Variants in LARGE1 observed in about 807,000 individuals in gnomAD.
LARGE1 encodes xylosyl- and glucuronyltransferase LARGE1.
LARGE1 carries 43 observed loss-of-function variants against 87.6 expected under a neutral mutation model. The ratio of observed to expected loss-of-function variants is 0.49; its 90% CI spans 0.38 to 0.63. The LOEUF (loss-of-function observed/expected upper bound fraction) is 0.63, where lower values mean the gene tolerates loss of function less well. Among genes scored for constraint, LARGE1 ranks in the 30% least tolerant of loss-of-function variants. The pLI is 0.00. For missense variants in LARGE1, 802 were observed against 1,000.2 expected, an observed-to-expected ratio of 0.80 and a Z score of 2.67; for synonymous variants, 434 against 394.6, an observed-to-expected ratio of 1.10 and a Z score of -1.18.
the LARGE1 span, among the ~76,000 whole-genome samples, chr22:33,089,371 C>CTTCTTCTTCTT: frequency 2.0e-4 from 15 of 76,098 alleles, 1 homozygote; most frequent in East Asian, 8.7e-4. Flanking sequence ...TTCTTCTTCT[C>CTTCTTCTTCTT]CTTCTTCTTC....
At chr22:33,517,730 G>T (rs993834672) in intron 6 of LARGE1, among the ~76,000 whole-genome samples, 8 of 152,210 alleles carry the variant, frequency 5.3e-5, no homozygotes, top group Non-Finnish European at 1.2e-4. Flanking sequence ...ACTTCTGAGA[G>T]AGTCTGAGAA....
chr22:33,445,066 G>T (rs1022990458), intron 6 of LARGE1, among the ~76,000 whole-genome samples: 1 of 152,170 alleles, frequency 6.6e-6, no homozygotes, highest in African/African-American at 2.4e-5. Context: ...CTGACCTCAG[G>T]TGATCCGCCC....
At chr22:33,282,360 A>C (rs1367244096) in intron 13 of LARGE1, among the ~76,000 whole-genome samples, 2 of 134,674 alleles carry the variant, frequency 1.5e-5, no homozygotes, top group African/African-American at 5.3e-5. Flanking sequence ...ACAAACAAAC[A>C]AAACAAACAA....
At chr22:33,778,642 T>C (rs56763559) in intron 1 of LARGE1, among the ~76,000 whole-genome samples, 31,577 of 151,986 alleles carry the variant, frequency 0.21, 3,449 homozygotes, top group Middle Eastern at 0.32. Context: ...TTGCAGCACA[T>C]GTCAGCGCAG....
intron 11 of LARGE1, among the ~76,000 whole-genome samples, chr22:33,213,204 G>C (rs887663080): frequency 6.6e-6 from 1 of 152,156 alleles, no homozygotes; most frequent in Non-Finnish European, 1.5e-5. Flanking sequence ...CGTGTGAAGA[G>C]ATGGAGTTGC....
chr22:33,564,750 T>C (rs2077971757), intron 6 of LARGE1, 98 bp downstream of exon 6: 2 of 1,243,678 alleles, frequency 1.6e-6, no homozygotes, highest in East Asian at 2.3e-5. Context: ...CACGACCTCA[T>C]TCGAGGAGAC....
At chr22:33,917,425 T>C (rs1452453084) in intron 1 of LARGE1, among the ~76,000 whole-genome samples, 4 of 152,226 alleles carry the variant, frequency 2.6e-5, no homozygotes, top group Admixed American at 2.6e-4. Flanking sequence ...GCAGACAGCG[T>C]CTGAGGTGGA....
chr22:33,901,497 G>A (rs1036526999), intron 1 of LARGE1, among the ~76,000 whole-genome samples: 8 of 152,122 alleles, frequency 5.3e-5, no homozygotes, highest in African/African-American at 1.4e-4. Context: ...ACTGTGAAAT[G>A]TCTTCCATAA....
intron 11 of LARGE1, among the ~76,000 whole-genome samples, chr22:33,193,764 G>A (rs982009265): frequency 1.3e-5 from 2 of 151,954 alleles, no homozygotes; most frequent in South Asian, 2.1e-4. Context: ...GTTACAGTGA[G>A]CTGAGATCTT....
At chr22:33,142,469 G>A in the LARGE1 span, among the ~76,000 whole-genome samples, 7 of 151,980 alleles carry the variant, frequency 4.6e-5, no homozygotes, top group African/African-American at 1.5e-4. Context: ...TGTTGTTTTT[G>A]GCAGTGCCCT....
chr22:33,147,340 A>G, the LARGE1 span, among the ~76,000 whole-genome samples: 14 of 152,318 alleles, frequency 9.2e-5, no homozygotes, highest in Non-Finnish European at 1.8e-4. Context: ...TTTTCAAAGT[A>G]ATAGAACCAA....
intron 6 of LARGE1, among the ~76,000 whole-genome samples, chr22:33,439,028 T>C (rs1011004361): frequency 7.9e-5 from 12 of 151,824 alleles, no homozygotes; most frequent in African/African-American, 2.7e-4. Context: ...CTGGCCAACA[T>C]AGTGAAACCC....
At chr22:33,138,052 T>G in the LARGE1 span, among the ~76,000 whole-genome samples, 2 of 152,042 alleles carry the variant, frequency 1.3e-5, no homozygotes, top group Non-Finnish European at 2.9e-5. Flanking sequence ...ACTGACAGCT[T>G]GCAGCATGTG....
intron 11 of LARGE1, among the ~76,000 whole-genome samples, chr22:33,202,117 A>G (rs1055832470): frequency 1.3e-5 from 2 of 151,830 alleles, no homozygotes; most frequent in African/African-American, 4.8e-5. Flanking sequence ...AAAAAAAAAA[A>G]AGAATCATTC....
At chr22:33,498,994 AC>A (rs2070300582) in intron 6 of LARGE1, among the ~76,000 whole-genome samples, 1 of 152,076 alleles carries the variant, frequency 6.6e-6, no homozygotes, top group African/African-American at 2.4e-5. Flanking sequence ...ACATAAATAA[AC>A]AAAAAATTTA....
intron 1 of LARGE1, among the ~76,000 whole-genome samples, chr22:33,918,832 C>G (rs1248409475): frequency 2.6e-5 from 4 of 152,292 alleles, no homozygotes; most frequent in African/African-American, 7.2e-5. Flanking sequence ...AGAAAGGCAT[C>G]TGCATGTCAG....
the LARGE1 span, among the ~76,000 whole-genome samples, chr22:33,080,951 TTCCATCCATCCATCCA>T: frequency 5.5e-3 from 819 of 149,340 alleles, 4 homozygotes; most frequent in Middle Eastern, 0.024. Flanking sequence ...TCCATCTGTC[TTCCATCCATCCATCCA>T]TCCATCCATC....
chr22:33,191,432 G>A (rs1923774947), intron 11 of LARGE1, among the ~76,000 whole-genome samples: 1 of 152,190 alleles, frequency 6.6e-6, no homozygotes, highest in African/African-American at 2.4e-5. Flanking sequence ...TGTTTAATGA[G>A]GTCCCTGTTT....
chr22:33,302,338 C>T (rs1934260124), intron 12 of LARGE1, among the ~76,000 whole-genome samples: 1 of 152,146 alleles, frequency 6.6e-6, no homozygotes, highest in African/African-American at 2.4e-5. Context: ...TACCACAGCA[C>T]CTCCCATTCC....
Sources: allele counts gnomAD v4.1 joint callset (sites outside exome capture counted in the v4.1 genomes callset), GRCh38; gene constraint gnomAD v4.1.1; transcripts MANE v1.5; gene names NCBI Gene and HGNC (gene_info 2026-07-23, HGNC 2026-07-21).